Variants in ALDH9A1 observed in about 807,000 individuals in gnomAD.
The protein encoded by ALDH9A1 is aldehyde dehydrogenase 9 family member A1.
ALDH9A1 carries 42 observed loss-of-function variants against 56.6 expected under a neutral mutation model. The ratio of observed to expected loss-of-function variants is 0.74; its 90% CI spans 0.58 to 0.96. ALDH9A1 has a LOEUF of 0.96. Ranked by LOEUF, ALDH9A1 falls within the 40% of genes least tolerant of loss-of-function variation. The probability of loss-of-function intolerance (pLI) is 0.00; values close to 1 mark genes in which losing one functional copy is unlikely to be tolerated. For missense variants in ALDH9A1, 661 were observed against 651.5 expected (o/e 1.01, Z -0.16); for synonymous variants, 242 against 236.0 (o/e 1.03, Z -0.23).
At chr1:165,671,561 G>A (rs1260683237) in intron 6 of ALDH9A1, 4 of 453,952 alleles carry the variant, frequency 8.8e-6, no homozygotes, top group South Asian at 5.2e-5. Flanking sequence ...TAAGGCAGCA[G>A]TTGCTGTTCA....
rs553337171 is a variant in ALDH9A1 at position 165,689,804 on chromosome 1, T to C, written c.327+5448A>G. On this transcript the variant is annotated intron_variant, in intron 2 of 10. Transcript: ENST00000354775. ...CAAAAAATAGCCAGGCGTGGTGTCA[T>C]GTGCCTGTAATCCCAGCTATTCAGG... Among the ~76,000 whole-genome samples the C allele has an allele frequency of 1.1e-4, 16 of 151,816 alleles. No homozygotes were observed. The South Asian group carries it at 3.3e-3, about 32-fold the overall frequency.
chr1:165,693,015 T>C (rs1216309952), intron 2 of ALDH9A1, among the ~76,000 whole-genome samples: 3 of 151,868 alleles, frequency 2.0e-5, no homozygotes, highest in South Asian at 2.1e-4. Context: ...TAGCCATATG[T>C]AGAAAGCTGA....
intron 6 of ALDH9A1, among the ~76,000 whole-genome samples, chr1:165,678,354 A>C (rs1448990605): frequency 1.3e-5 from 2 of 152,178 alleles, no homozygotes; most frequent in African/African-American, 2.4e-5. Context: ...TAAGTAAATA[A>C]ATAAAAATAA....
At chr1:165,693,547 T>C (rs1649963215) in intron 2 of ALDH9A1, among the ~76,000 whole-genome samples, 1 of 152,126 alleles carries the variant, frequency 6.6e-6, no homozygotes. Flanking sequence ...ATGGCAATCA[T>C]TAAAAAGTCA....
In ALDH9A1 at chr1:165,683,049, G is replaced by T. The variant is rs1392719207; in HGVS notation, c.389C>A (p.Ala130Asp). ...CINNGKSIFE[A>D]RLDIDISWQC... ...CCAGGAAATGTCAATGTCCAAGCGG[G>T]CCTCAAAGATGGACTTGCCATTGTT... The change falls in exon 3 of 11, where the codon GCC (alanine) becomes GAC (aspartate). Residue 130 changes from alanine to aspartate, a missense_variant. Ala to Asp is a moderately radical substitution (Grantham distance 126). Coordinates refer to ENST00000354775, the MANE Select transcript of ALDH9A1 (RefSeq NM_000696.4). 3 of 1,614,058 alleles carry T rather than the reference G, an allele frequency of 1.9e-6. No individual in the cohort carries two copies. The highest frequency in any genetic ancestry group is 2.5e-6 in the Non-Finnish European group (3 of 1,179,976).
At chr1:165,676,503 A>G (rs1649362523) in intron 6 of ALDH9A1, 1 of 288,092 alleles carries the variant, frequency 3.5e-6, no homozygotes, top group Non-Finnish European at 6.5e-6. Flanking sequence ...AAGAGTCTAC[A>G]ATGTTACCCA....
chr1:165,669,265 C>T lies in ALDH9A1; in HGVS notation c.1116G>A (p.Glu372=), dbSNP rs1432102311. 4 of 1,601,132 alleles carry T rather than the reference C, an allele frequency of 2.5e-6. No individual in the cohort carries two copies. The African/African-American group carries it at 4.0e-5, about 16-fold the overall frequency. The change falls in exon 7 of 11, where the codon GAG becomes GAA. Residue 372 remains glutamate (E), a synonymous_variant. Coordinates refer to ENST00000354775, the MANE Select transcript of ALDH9A1 (RefSeq NM_000696.4). The stretch of plus-strand genomic sequence containing the variant: ...CCTACTGCCAATTATTTCTTACCTG[C>T]TCCTTTGCCACTTTGACAAACCCAA... ...RVLGFVKVAK[E]QGAKVLCGGD...
At chr1:165,667,543 G>T in intron 8 of ALDH9A1, 93 bp from the exon 9 acceptor site, 1 of 1,416,968 alleles carries the variant, frequency 7.1e-7, no homozygotes, top group South Asian at 1.3e-5. Flanking sequence ...GTCTCACTAT[G>T]TTGCCCAGTC....
intron 6 of ALDH9A1, among the ~76,000 whole-genome samples, chr1:165,674,499 C>T (rs1336771133): frequency 2.0e-5 from 3 of 151,570 alleles, no homozygotes; most frequent in South Asian, 2.1e-4. Context: ...CCAGCCTGGC[C>T]AACATGGAGA....
At chr1:165,663,375 A>G (rs1207692836) in intron 10 of ALDH9A1, among the ~76,000 whole-genome samples, 2 of 152,210 alleles carry the variant, frequency 1.3e-5, no homozygotes, top group Non-Finnish European at 2.9e-5. Context: ...CTTGTTTCTC[A>G]CCAATAGGAA....
At chr1:165,692,746 T>A (rs79277215) in intron 2 of ALDH9A1, among the ~76,000 whole-genome samples, 2 of 149,536 alleles carry the variant, frequency 1.3e-5, no homozygotes, top group Non-Finnish European at 3.0e-5. Context: ...AAAAAGAGCC[T>A]GCATTGCCAA....
At chr1:165,692,120 T>C (rs961406573) in intron 2 of ALDH9A1, among the ~76,000 whole-genome samples, 13 of 152,186 alleles carry the variant, frequency 8.5e-5, no homozygotes, top group Non-Finnish European at 1.6e-4. Context: ...TCATACTGAA[T>C]GGGCAAAAAC....
chr1:165,688,580 G>T (rs1015970522), intron 2 of ALDH9A1, among the ~76,000 whole-genome samples: 2 of 151,956 alleles, frequency 1.3e-5, no homozygotes, highest in Non-Finnish European at 2.9e-5. Flanking sequence ...AAATTAGCCA[G>T]GTATGGTGGT....
Position 165,671,187 on chromosome 1 carries a change from G to A in ALDH9A1, c.931-1737C>T, listed in dbSNP as rs184153202. On this transcript the variant is annotated intron_variant, in intron 6 of 10. Transcript: ENST00000354775. ...GTGACTATATATGCTGTTAAGAAAG[G>A]CTATGAAGAAATAGGTACTCATGCA... 82 of 179,280 alleles carry A rather than the reference G, an allele frequency of 4.6e-4. 1 individual carries two copies. The South Asian group carries it at 4.7e-3, about 10-fold the overall frequency. 11.1% of individuals were successfully genotyped at this position (179,280 alleles called of 1,614,324 possible).
intron 6 of ALDH9A1, chr1:165,676,892 AT>A (rs1311698980): frequency 8.3e-6 from 2 of 241,778 alleles, no homozygotes; most frequent in Admixed American, 1.0e-4. Flanking sequence ...GCAGATTTTA[AT>A]TGTGTCCTAA....
At chr1:165,683,537 C>T (rs907901343) in intron 2 of ALDH9A1, among the ~76,000 whole-genome samples, 4 of 152,134 alleles carry the variant, frequency 2.6e-5, no homozygotes, top group South Asian at 2.1e-4. Flanking sequence ...GAATGTAATA[C>T]GTACATGTAC....
At chr1:165,685,321 T>C (rs1393815300) in intron 2 of ALDH9A1, among the ~76,000 whole-genome samples, 3 of 152,202 alleles carry the variant, frequency 2.0e-5, no homozygotes, top group African/African-American at 7.2e-5. Flanking sequence ...ATGTCTAGCT[T>C]TGAAGCCCAA....
chr1:165,688,543 C>G (rs10918244), intron 2 of ALDH9A1, among the ~76,000 whole-genome samples: 66 of 151,580 alleles, frequency 4.4e-4, no homozygotes, highest in Middle Eastern at 3.4e-3. Flanking sequence ...CATGGCGTAA[C>G]CCCATCTCTA....
In ALDH9A1 at chr1:165,662,822, A is replaced by G. The variant is rs2101731176; in HGVS notation, c.*228T>C. On this transcript the variant is annotated 3_prime_UTR_variant, in exon 11 of 11. Transcript: ENST00000354775. ...GGCTCTTAAAAGATTTCACAAAAAT[A>G]CGCTTTGAGGAGAATCACAGCTTTC... 2.0e-6 allele frequency: 1 copy of G among 512,312 alleles called. No individual in the cohort carries two copies. 31.7% of individuals were successfully genotyped at this position (512,312 alleles called of 1,614,324 possible). A position where few individuals can be genotyped will look rare whatever the true frequency, so the allele number is the denominator to read the frequency against.
Sources: allele counts gnomAD v4.1 joint callset (sites outside exome capture counted in the v4.1 genomes callset), GRCh38; gene constraint gnomAD v4.1.1; transcripts MANE v1.5; gene names NCBI Gene and HGNC (gene_info 2026-07-23, HGNC 2026-07-21).